The following SPATA16 variants were observed in gnomAD, a reference collection of about 807,000 sequenced individuals.
The protein encoded by SPATA16 is spermatogenesis associated 16, also known as spermatogenesis-associated protein 16.
SPATA16 carries 36 observed loss-of-function variants against 63.3 expected under a neutral mutation model. The observed-to-expected ratio is 0.57, with a 90% CI of 0.44 to 0.75. SPATA16 has a LOEUF of 0.75. Among genes scored for constraint, SPATA16 ranks in the 30% least tolerant of loss-of-function variants. The probability of loss-of-function intolerance (pLI) is 0.00; values close to 1 mark genes in which losing one functional copy is unlikely to be tolerated. For missense variants in SPATA16, 646 were observed against 679.3 expected (o/e 0.95, Z 0.54); for synonymous variants, 203 against 216.7 (o/e 0.94, Z 0.56).
chr3:172,906,208 G>C, intron 10 of SPATA16, among the ~76,000 whole-genome samples: 1 of 152,072 alleles, frequency 6.6e-6, no homozygotes, highest in East Asian at 1.9e-4. Flanking sequence ...AAGGGACCTT[G>C]GGATTCAATG....
intron 2 of SPATA16, among the ~76,000 whole-genome samples, chr3:173,081,546 A>G (rs1272966949): frequency 1.3e-5 from 2 of 152,134 alleles, no homozygotes; most frequent in African/African-American, 4.8e-5. Context: ...TTTGTGATAA[A>G]TGAATGTGTA....
At chr3:173,095,637 A>G (rs1006321730) in intron 2 of SPATA16, among the ~76,000 whole-genome samples, 17 of 152,286 alleles carry the variant, frequency 1.1e-4, no homozygotes, top group African/African-American at 3.6e-4. Context: ...CTAAGCCATT[A>G]TTGACAGTCT....
intron 2 of SPATA16, among the ~76,000 whole-genome samples, chr3:173,082,564 C>T (rs1454366338): frequency 2.0e-5 from 3 of 152,186 alleles, no homozygotes; most frequent in African/African-American, 7.2e-5. Context: ...AGTCAGTCTT[C>T]AGGAGGGTGG....
intron 6 of SPATA16, among the ~76,000 whole-genome samples, chr3:172,950,852 C>T (rs76117497): frequency 2.0e-4 from 31 of 152,056 alleles, no homozygotes; most frequent in Middle Eastern, 3.8e-3. Flanking sequence ...GATATCTGAT[C>T]CAGAAAACTT....
rs59773490 is a variant in SPATA16 at position 173,064,320 on chromosome 3, C to CAAAAAAAAAAA, written c.613-15237_613-15227dup. ...GAAACTCCATCACACACACGCACACCAAAAAAAAAAAAAAAAAAAAGGAAG... is the reference window on the plus strand; with the variant it reads ...GAAACTCCATCACACACACGCACACCAAAAAAAAAAAAAAAAAAAAAAAAAAAAAAAGGAAG... On this transcript the variant is annotated intron_variant, in intron 2 of 10. Coordinates refer to ENST00000351008, the MANE Select transcript of SPATA16 (RefSeq NM_031955.6). 2.3e-3 allele frequency among the ~76,000 whole-genome samples: 131 copies of CAAAAAAAAAAA among 57,582 alleles called. 4 individuals carry two copies. The highest frequency in any genetic ancestry group is 8.5e-3 in the African/African-American group (122 of 14,290). The allele number at this position is 57,582 out of a possible 152,430, so 37.8% of individuals were successfully genotyped here. A position where few individuals can be genotyped will look rare whatever the true frequency, so the allele number is the denominator to read the frequency against.
intron 2 of SPATA16, among the ~76,000 whole-genome samples, chr3:173,068,712 G>A (rs1446375997): frequency 6.6e-6 from 1 of 151,508 alleles, no homozygotes; most frequent in African/African-American, 2.4e-5. Context: ...GAAGTTTATA[G>A]CAATAAATGC....
In SPATA16 at chr3:172,996,487, C is replaced by T. The variant is rs529632674; in HGVS notation, c.849-19435G>A. Among the ~76,000 whole-genome samples the T allele has an allele frequency of 7.9e-5, 12 of 151,942 alleles. No homozygotes were observed. In the East Asian group the frequency reaches 2.3e-3, roughly 29 times the overall value. On this transcript the variant is annotated intron_variant, in intron 4 of 10. Coordinates refer to ENST00000351008, the MANE Select transcript of SPATA16 (RefSeq NM_031955.6). ...TAAAAATTTACTTTAAATTAATAAG[C>T]TTTATATTTTTAGAGACACTTTAGG... is the stretch of plus-strand genomic sequence containing the variant.
intron 4 of SPATA16, among the ~76,000 whole-genome samples, chr3:172,990,560 C>T (rs1214696549): frequency 6.6e-6 from 1 of 152,144 alleles, no homozygotes; most frequent in Non-Finnish European, 1.5e-5. Context: ...GCTATATTCT[C>T]CTATCTCTAG....
intron 2 of SPATA16, among the ~76,000 whole-genome samples, chr3:173,097,997 C>T (rs1477333503): frequency 1.3e-5 from 2 of 152,046 alleles, no homozygotes; most frequent in African/African-American, 4.8e-5. Flanking sequence ...TAAAGCCAGG[C>T]ACAGTGAACA....
At chr3:173,076,044 C>A (rs1736794204) in intron 2 of SPATA16, among the ~76,000 whole-genome samples, 1 of 152,016 alleles carries the variant, frequency 6.6e-6, no homozygotes, top group Non-Finnish European at 1.5e-5. Context: ...TAAATATGTG[C>A]AACTATCATG....
chr3:173,009,253 T>G (rs959836663), intron 4 of SPATA16, among the ~76,000 whole-genome samples: 8 of 152,120 alleles, frequency 5.3e-5, no homozygotes, highest in Non-Finnish European at 1.0e-4. Context: ...CAAGTTGGAA[T>G]TCACCAAGGA....
At chr3:173,005,007 T>C (rs1305495528) in intron 4 of SPATA16, among the ~76,000 whole-genome samples, 1 of 152,238 alleles carries the variant, frequency 6.6e-6, no homozygotes, top group Admixed American at 6.5e-5. Context: ...TAATTGGTTC[T>C]CTACATTACA....
chr3:172,938,833 A>ACC (rs1201577106), intron 6 of SPATA16, among the ~76,000 whole-genome samples: 1 of 29,860 alleles, frequency 3.3e-5, no homozygotes, highest in East Asian at 1.3e-3. Flanking sequence ...AGACCCCCCC[A>ACC]CCCCCCCGCA....
chr3:173,115,070 G>A (rs1249806887), intron 2 of SPATA16, among the ~76,000 whole-genome samples: 1 of 151,954 alleles, frequency 6.6e-6, no homozygotes, highest in Non-Finnish European at 1.5e-5. Context: ...GGAGAGAGAA[G>A]GAGAACAGGA....
chr3:173,020,326 G>A (rs972077977), intron 3 of SPATA16, among the ~76,000 whole-genome samples: 1 of 152,032 alleles, frequency 6.6e-6, no homozygotes, highest in Non-Finnish European at 1.5e-5. Flanking sequence ...TGGAATTTGG[G>A]TGACATGTTC....
At chr3:173,019,621 G>T in intron 3 of SPATA16, 46 bp from the exon 4 acceptor site, 1 of 1,533,190 alleles carries the variant, frequency 6.5e-7, no homozygotes, top group Non-Finnish European at 9.0e-7. Flanking sequence ...GGTTTTAAAA[G>T]ACAATTACCA....
chr3:172,949,312 A>G (rs1335013264), intron 6 of SPATA16, among the ~76,000 whole-genome samples: 1 of 152,214 alleles, frequency 6.6e-6, no homozygotes, highest in East Asian at 1.9e-4. Flanking sequence ...CCATAAGATC[A>G]TCAAGAAAAT....
rs186688959 is a variant in SPATA16 at position 173,076,180 on chromosome 3, G to A, written c.613-27086C>T. The stretch of plus-strand genomic sequence containing the variant: ...GTATTTCTATTTATATGTTACCCAT[G>A]TTACTTTTAAGTTCGCGAAATCAGG... On this transcript the variant is annotated intron_variant, in intron 2 of 10. Coordinates refer to ENST00000351008, the MANE Select transcript of SPATA16 (RefSeq NM_031955.6). Among the ~76,000 whole-genome samples the A allele has an allele frequency of 4.3e-3, 644 of 151,314 alleles. 8 individuals are homozygous for A. The highest frequency in any genetic ancestry group is 0.015 in the African/African-American group (614 of 41,432).
chr3:172,977,077 A>C (rs764657409), intron 4 of SPATA16, 25 bp from the exon 5 acceptor site: 4 of 1,579,988 alleles, frequency 2.5e-6, no homozygotes, highest in Non-Finnish European at 1.7e-6. Context: ...AGATTAAAAA[A>C]AAAACAAAAA....
Sources: gnomAD v4.1 joint callset for allele counts (sites outside exome capture counted in the v4.1 genomes callset) on GRCh38, gnomAD v4.1.1 for gene constraint, MANE v1.5 for transcripts, NCBI Gene and HGNC (gene_info 2026-07-23, HGNC 2026-07-21) for gene names.